ZFP42: variants seen among roughly 807,000 people sequenced by gnomAD.
ZFP42 encodes the protein zinc finger protein 42 homolog.
For missense variants in ZFP42, 438 were observed against 377.1 expected (o/e 1.16, Z -1.34); for synonymous variants, 175 against 144.6 (o/e 1.21, Z -1.51).
Position 188,003,313 on chromosome 4 carries a change from C to T in ZFP42, c.506C>T (p.Ala169Val), listed in dbSNP as rs996220246. ...GACCTATCAGATCCTAAACAGCTCGCAGAATTTGCTAGAAAGAAGCCCCCC... is the reference window on the plus strand; with the variant it reads ...GACCTATCAGATCCTAAACAGCTCGTAGAATTTGCTAGAAAGAAGCCCCCC... The part of the protein sequence containing the change: ...GIDLSDPKQL[A>V]EFARKKPPIN... Residue 169 changes from alanine to valine, a missense_variant, in exon 4 of 4, where the codon GCA (alanine) becomes GTA (valine). Physicochemically the swap from Ala to Val is moderately conservative, Grantham distance 64. Transcript: ENST00000326866. 1 of 1,614,068 alleles carries T rather than the reference C, an allele frequency of 6.2e-7. No homozygotes were observed. The highest frequency in any genetic ancestry group is 1.1e-5 in the South Asian group (1 of 91,082).
At position 188,001,816 on chromosome 4, in the gene ZFP42, G is replaced by C. The variant is rs142803888; in HGVS notation, c.-95-897G>C. Among the ~76,000 whole-genome samples the C allele has an allele frequency of 3.6e-3, 555 of 152,358 alleles. 5 individuals carry two copies. The highest frequency in any genetic ancestry group is 0.013 in the African/African-American group (530 of 41,588). The stretch of plus-strand genomic sequence containing the variant: ...GCTCACATAGCGGCCAGCATTTGCT[G>C]TGCACCATAATCCGTGCTAAGCACT... On this transcript the variant is annotated intron_variant, in intron 3 of 3. Coordinates refer to ENST00000326866, the MANE Select transcript of ZFP42 (RefSeq NM_174900.5).
intron 1 of ZFP42, among the ~76,000 whole-genome samples, chr4:187,997,668 A>G (rs564776696): frequency 1.3e-5 from 2 of 152,250 alleles, no homozygotes; most frequent in South Asian, 4.1e-4. Flanking sequence ...AGCACCTAGA[A>G]CGAATACTAA....
At position 188,002,914 on chromosome 4, in the gene ZFP42, T is replaced by A. The variant is rs1183095575; in HGVS notation, c.107T>A (p.Leu36Gln). The A allele has an allele frequency of 2.5e-6, 4 of 1,614,146 alleles. No individual in the cohort carries two copies. The highest frequency in any genetic ancestry group is 3.4e-6 in the Non-Finnish European group (4 of 1,180,024). The change falls in exon 4 of 4, where the codon CTG becomes CAG. Residue 36 changes from leucine (L) to glutamine (Q), a missense_variant. Coordinates refer to ENST00000326866, the MANE Select transcript of ZFP42 (RefSeq NM_174900.5). Reference sequence around the variant, plus strand: ...AGGCAAGGCAAGTCAAGCCAAGACCTGCAGGCGGAAATAGAACCTGTCAGC... The same window carrying A: ...AGGCAAGGCAAGTCAAGCCAAGACCAGCAGGCGGAAATAGAACCTGTCAGC... ...KPRQGKSSQD[L>Q]QAEIEPVSAV...
chr4:187,997,018 AGCATGGAGCATGGAGCG>A (rs1733610890), intron 1 of ZFP42, among the ~76,000 whole-genome samples: 3 of 57,486 alleles, frequency 5.2e-5, no homozygotes, highest in Admixed American at 5.2e-4. Flanking sequence ...TGGAGCGTGG[AGCATGGAGCATGGAGCG>A]TGGAGCATGG....
chr4:187,997,896 T>C (rs749493881), intron 1 of ZFP42, among the ~76,000 whole-genome samples: 2 of 152,220 alleles, frequency 1.3e-5, no homozygotes, highest in African/African-American at 2.4e-5. Context: ...TCTCTTCGTT[T>C]TTAACGTAAA....
In ZFP42 at chr4:187,999,158, G is replaced by C. The variant is rs1001648080; in HGVS notation, c.-288G>C. ...GCTCACTGCAACCCCTGCCTCCCAG[G>C]CTCCAGCGATCCTCCCACCTCAGCC... is the stretch of plus-strand genomic sequence containing the variant. On this transcript the variant is annotated 5_prime_UTR_variant, in exon 2 of 4. Transcript: ENST00000326866. 1 of 152,208 alleles carries C rather than the reference G, an allele frequency of 6.6e-6. No individual in the cohort carries two copies. The highest frequency in any genetic ancestry group is 2.4e-5 in the African/African-American group (1 of 41,394). 9.4% of individuals were successfully genotyped at this position (152,208 alleles called of 1,614,324 possible). A position where few individuals can be genotyped will look rare whatever the true frequency, so the allele number is the denominator to read the frequency against.
At chr4:188,001,162 T>C (rs1227123333) in intron 3 of ZFP42, among the ~76,000 whole-genome samples, 7 of 152,142 alleles carry the variant, frequency 4.6e-5, no homozygotes, top group Non-Finnish European at 8.8e-5. Context: ...AATGACATGC[T>C]TCTGTTGAGG....
At chr4:187,997,275 T>C (rs1176874470) in intron 1 of ZFP42, among the ~76,000 whole-genome samples, 2 of 142,376 alleles carry the variant, frequency 1.4e-5, no homozygotes, top group African/African-American at 2.6e-5. Context: ...CTCTTGTCGC[T>C]TGGGCTGGAG....
rs761076682 is a variant in ZFP42, at chr4:188,003,445, G to C, written c.638G>C (p.Gly213Ala). ...CTGAGAAAGCATCTCCTCATTCATG[G>C]TCCCCGAGACCACGTCTGTGCGGAA... is the stretch of plus-strand genomic sequence containing the variant. ...AALRKHLLIH[G>A]PRDHVCAECG... The change falls in exon 4 of 4, where the codon GGT becomes GCT. Residue 213 changes from glycine to alanine, a missense_variant. Physicochemically the swap from Gly to Ala is moderately conservative, Grantham distance 60 (BLOSUM62 0). Transcript: ENST00000326866. The C allele has an allele frequency of 4.3e-6, 7 of 1,614,120 alleles. No individual in the cohort carries two copies. In the South Asian group the frequency reaches 6.6e-5, roughly 15 times the overall value.
In ZFP42 at chr4:188,003,769, GAA is replaced by G; in HGVS notation, c.*30_*31del. The G allele has an allele frequency of 6.4e-7, 1 of 1,573,980 alleles. No homozygotes were observed. Among genetic ancestry groups the G allele is most frequent in the Non-Finnish European group, 8.7e-7 (1 of 1,155,768 alleles). On this transcript the variant is annotated 3_prime_UTR_variant, in exon 4 of 4. Transcript: ENST00000326866. ...TCCAACAGGATGAAGCAGATTAACA[GAA>G]GAGTGATCAGTGACAAACATGCCTC...
At position 187,997,228 on chromosome 4, in the gene ZFP42, C is replaced by CTTTTTTTTTTTTTTTTTTTTTT. The variant is rs71595201; in HGVS notation, c.-339+1389_-339+1410dup. On this transcript the variant is annotated intron_variant, in intron 1 of 3. Transcript: ENST00000326866. ...CCTCGGTTACTTCCCCTCTCATATT[C>CTTTTTTTTTTTTTTTTTTTTTT]TTTTTTTTTTTTTTTTTTTTTTGAG... 3.0e-3 allele frequency among the ~76,000 whole-genome samples: 180 copies of CTTTTTTTTTTTTTTTTTTTTTT among 60,016 alleles called. 48 individuals are homozygous for CTTTTTTTTTTTTTTTTTTTTTT. The highest frequency in any genetic ancestry group is 4.5e-3 in the African/African-American group (57 of 12,744). 39.4% of individuals were successfully genotyped at this position (60,016 alleles called of 152,430 possible). A position where few individuals can be genotyped will look rare whatever the true frequency, so the allele number is the denominator to read the frequency against.
intron 1 of ZFP42, among the ~76,000 whole-genome samples, chr4:187,997,228 C>CTTTTTTTTTTTTTTT (rs71595201): frequency 0.04 from 2,388 of 59,974 alleles, 598 homozygotes; most frequent in East Asian, 0.051. Flanking sequence ...CTCTCATATT[C>CTTTTTTTTTTTTTTT]TTTTTTTTTT....
In ZFP42 at chr4:188,003,070, A is replaced by G. The variant is rs749076008; in HGVS notation, c.263A>G (p.Glu88Gly). 1 of 1,614,204 alleles carries G rather than the reference A, an allele frequency of 6.2e-7. No individual in the cohort carries two copies. The highest frequency in any genetic ancestry group is 1.1e-5 in the South Asian group (1 of 91,080). Residue 88 changes from glutamate to glycine, a missense_variant, in exon 4 of 4, where the codon GAG (glutamate) becomes GGG (glycine). Transcript: ENST00000326866. ...RGEFSQPILE[E>G]DSLFESLEYL... ...GAGTTTTCTCAACCCATCCTGGAAG[A>G]GGACTCACTTTTTGAGTCCTTGGAA...
chr4:187,997,684 T>C (rs781608845), intron 1 of ZFP42, among the ~76,000 whole-genome samples: 1 of 152,188 alleles, frequency 6.6e-6, no homozygotes, highest in African/African-American at 2.4e-5. Flanking sequence ...ACTAAATGTA[T>C]ATGAAGATTT....
chr4:187,996,321 CT>C (rs1003493039), intron 1 of ZFP42, among the ~76,000 whole-genome samples: 3 of 149,848 alleles, frequency 2.0e-5, no homozygotes, highest in East Asian at 3.9e-4. Context: ...TTTCTTTTTT[CT>C]TTTTTTTTGG....
In ZFP42 at chr4:188,002,957, T is replaced by C; in HGVS notation, c.150T>C (p.Cys50=). 1 of 1,613,984 alleles carries C rather than the reference T, an allele frequency of 6.2e-7. No homozygotes were observed. Among genetic ancestry groups the C allele is most frequent in the East Asian group, 2.2e-5 (1 of 44,842 alleles). The part of the protein sequence containing the change: ...IEPVSAVWAL[C]DGYVCYEPGP... ...CTGTCAGCGCGGTGTGGGCCTTATG[T>C]GATGGCTATGTGTGCTATGAGCCTG... The change falls in exon 4 of 4, where the codon TGT becomes TGC. Residue 50 remains cysteine, a synonymous_variant. Coordinates refer to ENST00000326866, the MANE Select transcript of ZFP42 (RefSeq NM_174900.5).
In ZFP42 at chr4:188,004,019, A is replaced by G. The variant is rs571349160; in HGVS notation, c.*279A>G. 4 of 302,926 alleles carry G rather than the reference A, an allele frequency of 1.3e-5. No individual in the cohort carries two copies. Among genetic ancestry groups the G allele is most frequent in the Non-Finnish European group, 2.5e-5 (4 of 158,822 alleles). 18.8% of individuals were successfully genotyped at this position (302,926 alleles called of 1,614,324 possible). ...GCTTCCAACAGGAAGGTCAGTGATA[A>G]ATTTTCAAAAGCATAACCTTCAATA... is the stretch of plus-strand genomic sequence containing the variant. On this transcript the variant is annotated 3_prime_UTR_variant, in exon 4 of 4. Transcript: ENST00000326866.
rs756616587 is a variant in ZFP42 at position 188,002,842 on chromosome 4, G to A, written c.35G>A (p.Arg12Lys). 1 of 1,614,212 alleles carries A rather than the reference G, an allele frequency of 6.2e-7. No homozygotes were observed. Among genetic ancestry groups the A allele is most frequent in the Non-Finnish European group, 8.5e-7 (1 of 1,180,032 alleles). The change falls in exon 4 of 4, where the codon AGA becomes AAA. Residue 12 changes from arginine (R) to lysine (K), a missense_variant. Physicochemically the swap from Arg to Lys is conservative, Grantham distance 26. Coordinates refer to ENST00000326866, the MANE Select transcript of ZFP42 (RefSeq NM_174900.5). ...SQQLKKRAKT[R>K]HQKGLGGRAP... Reference sequence around the variant, plus strand: ...CAACTGAAGAAACGGGCAAAGACAAGACACCAGAAAGGCCTGGGTGGAAGA... The same window carrying A: ...CAACTGAAGAAACGGGCAAAGACAAAACACCAGAAAGGCCTGGGTGGAAGA...
At chr4:187,997,550 T>A (rs1733651059) in intron 1 of ZFP42, among the ~76,000 whole-genome samples, 2 of 152,086 alleles carry the variant, frequency 1.3e-5, no homozygotes, top group African/African-American at 2.4e-5. Flanking sequence ...ACCTTTTTTT[T>A]AATAGCATTT....
Sources: allele counts gnomAD v4.1 joint callset (sites outside exome capture counted in the v4.1 genomes callset), GRCh38; gene constraint gnomAD v4.1.1; transcripts MANE v1.5; gene names NCBI Gene and HGNC (gene_info 2026-07-23, HGNC 2026-07-21).